Variants in TRPM3 observed in about 807,000 individuals in gnomAD.
TRPM3 encodes long transient receptor potential channel 3.
In TRPM3, 77 loss-of-function variants were observed where a neutral mutation model predicts 181.2. The observed-to-expected ratio is 0.42, with a 90% CI of 0.35 to 0.51. TRPM3 has a LOEUF of 0.51. TRPM3 is among the 20% of genes least tolerant of loss of function. The pLI is 0.01. For synonymous variants in TRPM3, 745 were observed against 796.4 expected, an observed-to-expected ratio of 0.94 and a Z score of 1.09; for missense variants, 1,759 against 2,196.7, an observed-to-expected ratio of 0.80 and a Z score of 3.98.
At chr9:70,812,232 G>A (rs1292122383) in intron 6 of TRPM3, among the ~76,000 whole-genome samples, 4 of 152,208 alleles carry the variant, frequency 2.6e-5, no homozygotes, top group African/African-American at 7.2e-5. Context: ...GCTAGACTTT[G>A]AGAGCAGCCT....
chr9:71,395,403 T>C (rs1487961145), intron 1 of TRPM3, among the ~76,000 whole-genome samples: 2 of 152,188 alleles, frequency 1.3e-5, no homozygotes, highest in South Asian at 2.1e-4. Flanking sequence ...TTCTAAGTAG[T>C]TTCTTATTGA....
chr9:70,875,786 A>G (rs2095859313), intron 1 of TRPM3, among the ~76,000 whole-genome samples: 1 of 151,956 alleles, frequency 6.6e-6, no homozygotes, highest in Non-Finnish European at 1.5e-5. Context: ...AGGAACTGAT[A>G]ACAAATCAAT....
At position 71,187,869 on chromosome 9, in the gene TRPM3, AAGAC is replaced by A. The variant is rs531587395; in HGVS notation, c.183+258780_183+258783del. ...TCTGCAACTCTCTGAACATATCTTC[AAGAC>A]AGACAGGCAGACAGATGATAGATAG... On this transcript the variant is annotated intron_variant, in intron 1 of 24. Coordinates refer to the TRPM3 transcript ENST00000357533. Among the ~76,000 whole-genome samples the A allele has an allele frequency of 1.9e-3, 284 of 151,268 alleles. 2 individuals are homozygous for A. The highest frequency in any genetic ancestry group is 3.3e-3 in the Non-Finnish European group (226 of 67,764).
intron 8 of TRPM3, among the ~76,000 whole-genome samples, chr9:70,687,362 ATTAAC>A (rs1264429913): frequency 6.6e-6 from 1 of 152,198 alleles, no homozygotes; most frequent in Admixed American, 6.5e-5. Flanking sequence ...AGTAAAAGTT[ATTAAC>A]TTAATCATTT....
chr9:70,650,371 G>C (rs1589793793), intron 9 of TRPM3, among the ~76,000 whole-genome samples: 1 of 152,204 alleles, frequency 6.6e-6, no homozygotes, highest in Middle Eastern at 3.4e-3. Context: ...CCTCATAAAA[G>C]ACTTGGTCAT....
intron 1 of TRPM3, among the ~76,000 whole-genome samples, chr9:70,914,058 C>G (rs191714869): frequency 6.6e-6 from 1 of 152,294 alleles, no homozygotes; most frequent in Admixed American, 6.5e-5. Context: ...TGTGTCCTTT[C>G]AAAATTCATA....
chr9:70,825,887 C>T (rs2093525777), intron 6 of TRPM3: 1 of 152,276 alleles, frequency 6.6e-6, no homozygotes, highest in African/African-American at 2.4e-5. Flanking sequence ...TGACTAAAAC[C>T]TAGGCTCTGG....
intron 1 of TRPM3, among the ~76,000 whole-genome samples, chr9:70,905,207 T>G (rs2096445267): frequency 6.6e-6 from 1 of 152,246 alleles, no homozygotes; most frequent in Non-Finnish European, 1.5e-5. Context: ...CTGCATGATG[T>G]TGCTTTAAAA....
In TRPM3 at chr9:71,215,453, T is replaced by C. The variant is rs531156412; in HGVS notation, c.183+231200A>G. On this transcript the variant is annotated intron_variant, in intron 1 of 24. Transcript: ENST00000357533. ...ATTCATTGCTGATCAGGATTACAAG[T>C]TTAATTTTAGGATCCATTGGATGGA... Among the ~76,000 whole-genome samples, 5 of 152,320 alleles carry C rather than the reference T, an allele frequency of 3.3e-5. No homozygotes were observed. In the South Asian group the frequency reaches 1.0e-3, roughly 32 times the overall value.
intron 1 of TRPM3, among the ~76,000 whole-genome samples, chr9:71,330,634 C>T (rs539880952): frequency 2.0e-5 from 3 of 151,808 alleles, no homozygotes; most frequent in Admixed American, 6.6e-5. Context: ...AAAGGAGGGA[C>T]GGGGTGCTGG....
At chr9:70,906,936 A>T (rs1832263) in intron 1 of TRPM3, among the ~76,000 whole-genome samples, 1 of 151,936 alleles carries the variant, frequency 6.6e-6, no homozygotes, top group Non-Finnish European at 1.5e-5. Context: ...AATAAAGTCC[A>T]GATGCAGAAC....
chr9:71,058,970 T>G (rs1332933294), intron 1 of TRPM3, among the ~76,000 whole-genome samples: 1 of 143,552 alleles, frequency 7.0e-6, no homozygotes. Flanking sequence ...TGTTCTTTGC[T>G]CAAATAAACT....
At chr9:70,846,291 T>C (rs527484539) in intron 4 of TRPM3, 87 bp downstream of exon 4, 26 of 1,283,100 alleles carry the variant, frequency 2.0e-5, no homozygotes, top group Middle Eastern at 1.9e-4. Context: ...TGGGGTGATA[T>C]AGAAATAATT....
intron 1 of TRPM3, among the ~76,000 whole-genome samples, chr9:70,871,257 A>G (rs993433008): frequency 2.6e-5 from 4 of 151,952 alleles, no homozygotes; most frequent in African/African-American, 9.7e-5. Flanking sequence ...TAATATTCTC[A>G]ATGTAAGAAA....
intron 1 of TRPM3, among the ~76,000 whole-genome samples, chr9:71,354,758 A>T (rs1291957043): frequency 6.6e-6 from 1 of 152,204 alleles, no homozygotes; most frequent in Non-Finnish European, 1.5e-5. Context: ...TACCAGGATG[A>T]TGCCATATCC....
chr9:71,072,556 T>A (rs892969331), intron 1 of TRPM3, among the ~76,000 whole-genome samples: 1 of 152,150 alleles, frequency 6.6e-6, no homozygotes, highest in Admixed American at 6.5e-5. Context: ...ATGGATTCAG[T>A]TGTGGGTCCA....
chr9:70,782,770 AATTATT>A (rs529479180), intron 7 of TRPM3, among the ~76,000 whole-genome samples: 22 of 151,544 alleles, frequency 1.5e-4, no homozygotes, highest in African/African-American at 3.6e-4. Context: ...AGTTTATAAA[AATTATT>A]ATTATTATTA....
intron 1 of TRPM3, among the ~76,000 whole-genome samples, chr9:70,975,034 A>AT (rs1157796291): frequency 6.6e-5 from 10 of 151,622 alleles, no homozygotes; most frequent in Non-Finnish European, 1.0e-4. Flanking sequence ...CATCTGGCTA[A>AT]TTTTTTGTAT....
At chr9:70,912,900 A>G (rs1268395729) in intron 1 of TRPM3, among the ~76,000 whole-genome samples, 2 of 152,224 alleles carry the variant, frequency 1.3e-5, no homozygotes, top group African/African-American at 4.8e-5. Context: ...CTTAACATGC[A>G]TATATAAACA....
Sources: allele counts gnomAD v4.1 joint callset (sites outside exome capture counted in the v4.1 genomes callset), GRCh38; gene constraint gnomAD v4.1.1; transcripts MANE v1.5; gene names NCBI Gene and HGNC (gene_info 2026-07-23, HGNC 2026-07-21).